The following DOK6 variants were observed in gnomAD, a reference collection of about 807,000 sequenced individuals.
DOK6 encodes the protein docking protein 6, also known as downstream of tyrosine kinase 6.
DOK6 carries 22 observed loss-of-function variants against 44.0 expected under a neutral mutation model. The ratio of observed to expected loss-of-function variants is 0.50; its 90% confidence interval spans 0.36 to 0.71. The LOEUF (loss-of-function observed/expected upper bound fraction) is 0.71. Among genes scored for constraint, DOK6 ranks in the 30% least tolerant of loss-of-function variants. DOK6 has a pLI of 0.00. For synonymous variants in DOK6, 166 were observed against 145.5 expected, an observed-to-expected ratio of 1.14 and a Z score of -1.01; for missense variants, 340 against 416.4, an observed-to-expected ratio of 0.82 and a Z score of 1.60.
At chr18:69,807,468 AG>A (rs1267883128) in intron 7 of DOK6, among the ~76,000 whole-genome samples, 1 of 151,948 alleles carries the variant, frequency 6.6e-6, no homozygotes, top group East Asian at 1.9e-4. Flanking sequence ...GAATGAAAAT[AG>A]ATTAAAATTG....
chr18:69,664,498 TTTC>T (rs533488072), intron 3 of DOK6, among the ~76,000 whole-genome samples: 11 of 152,330 alleles, frequency 7.2e-5, no homozygotes, highest in African/African-American at 2.6e-4. Context: ...GTCCTTGTGC[TTTC>T]TTCTTTTATG....
chr18:69,767,576 C>T (rs907202262), intron 7 of DOK6, among the ~76,000 whole-genome samples: 1 of 152,038 alleles, frequency 6.6e-6, no homozygotes, highest in Non-Finnish European at 1.5e-5. Context: ...TACTCATCCA[C>T]ACCCACCCTA....
intron 1 of DOK6, among the ~76,000 whole-genome samples, chr18:69,538,230 G>C (rs542143443): frequency 6.6e-6 from 1 of 152,286 alleles, no homozygotes; most frequent in South Asian, 2.1e-4. Context: ...AGAAAAATAA[G>C]TCTTAGAGCA....
At chr18:69,525,816 C>T (rs1031132684) in intron 1 of DOK6, among the ~76,000 whole-genome samples, 30 of 152,022 alleles carry the variant, frequency 2.0e-4, no homozygotes, top group African/African-American at 7.0e-4. Context: ...CTTTCACCTG[C>T]CATGAAATAT....
chr18:69,581,475 C>G (rs1330793325), intron 2 of DOK6, among the ~76,000 whole-genome samples: 1 of 152,096 alleles, frequency 6.6e-6, no homozygotes, highest in African/African-American at 2.4e-5. Flanking sequence ...CTAGTAGCTA[C>G]TATTACAATT....
chr18:69,666,402 C>G (rs1985658016), intron 3 of DOK6, among the ~76,000 whole-genome samples: 2 of 152,260 alleles, frequency 1.3e-5, no homozygotes, highest in African/African-American at 4.8e-5. Context: ...ATAGCATCAC[C>G]CTTCTCAGCT....
At chr18:69,502,332 A>G (rs1307542708) in intron 1 of DOK6, among the ~76,000 whole-genome samples, 3 of 152,082 alleles carry the variant, frequency 2.0e-5, no homozygotes, top group African/African-American at 7.2e-5. Flanking sequence ...AGGAGAGGGT[A>G]ATTCAAGAAA....
intron 3 of DOK6, among the ~76,000 whole-genome samples, chr18:69,653,738 A>G (rs1165115775): frequency 6.6e-6 from 1 of 152,228 alleles, no homozygotes; most frequent in Non-Finnish European, 1.5e-5. Flanking sequence ...AGTGAAGTGA[A>G]CTGATAAAGA....
intron 2 of DOK6, among the ~76,000 whole-genome samples, chr18:69,584,095 G>C (rs1341399243): frequency 8.6e-6 from 1 of 115,676 alleles, no homozygotes; most frequent in African/African-American, 3.3e-5. Flanking sequence ...GCAACACAGT[G>C]AGACTCCGTC....
At chr18:69,564,836 A>T (rs1360558078) in intron 2 of DOK6, among the ~76,000 whole-genome samples, 1 of 152,158 alleles carries the variant, frequency 6.6e-6, no homozygotes, top group Non-Finnish European at 1.5e-5. Context: ...ATGACTCATA[A>T]CTCAACCAAA....
intron 7 of DOK6, among the ~76,000 whole-genome samples, chr18:69,810,812 G>C (rs1447721704): frequency 6.6e-6 from 1 of 151,812 alleles, no homozygotes; most frequent in Non-Finnish European, 1.5e-5. Context: ...GTGTTAGTGA[G>C]GATATGTAGA....
intron 1 of DOK6, among the ~76,000 whole-genome samples, chr18:69,557,123 A>C (rs558182207): frequency 7.0e-4 from 107 of 152,290 alleles, no homozygotes; most frequent in Admixed American, 7.2e-4. Flanking sequence ...ACGGAACACA[A>C]ACTTAGCCAC....
At chr18:69,685,069 G>A (rs1424795383) in intron 4 of DOK6, among the ~76,000 whole-genome samples, 1 of 152,084 alleles carries the variant, frequency 6.6e-6, no homozygotes, top group East Asian at 1.9e-4. Flanking sequence ...CTCAGGGATT[G>A]AACTTTGAAT....
intron 7 of DOK6, among the ~76,000 whole-genome samples, chr18:69,779,126 C>T (rs918573858): frequency 4.6e-5 from 7 of 152,026 alleles, no homozygotes; most frequent in Admixed American, 6.6e-5. Context: ...ATATTCTGAC[C>T]TCATCTTCGT....
intron 7 of DOK6, among the ~76,000 whole-genome samples, chr18:69,768,948 G>GGTGTGTGTGTGTGT (rs1341229658): frequency 1.5e-3 from 55 of 37,704 alleles, no homozygotes; most frequent in African/African-American, 2.4e-3. Flanking sequence ...AGATTTGAAG[G>GGTGTGTGTGTGTGT]GTGTGCGTGT....
intron 2 of DOK6, among the ~76,000 whole-genome samples, chr18:69,587,038 A>G (rs1400148291): frequency 6.6e-6 from 1 of 152,210 alleles, no homozygotes; most frequent in Non-Finnish European, 1.5e-5. Context: ...ATGGGGCTAT[A>G]TAGAAAATTT....
chr18:69,605,144 A>G (rs1336465183), intron 3 of DOK6, among the ~76,000 whole-genome samples: 1 of 149,526 alleles, frequency 6.7e-6, no homozygotes, highest in East Asian at 2.0e-4. Flanking sequence ...ATCAGCTGAG[A>G]CCAAATCATT....
At chr18:69,498,609 A>G (rs1314854617) in intron 1 of DOK6, among the ~76,000 whole-genome samples, 1 of 152,228 alleles carries the variant, frequency 6.6e-6, no homozygotes, top group Non-Finnish European at 1.5e-5. Context: ...TTGATAACTT[A>G]GTGTATAAGT....
At chr18:69,802,875 A>G (rs977316049) in intron 7 of DOK6, among the ~76,000 whole-genome samples, 2 of 152,154 alleles carry the variant, frequency 1.3e-5, no homozygotes, top group East Asian at 3.9e-4. Flanking sequence ...GGTATTCTTT[A>G]TAGCAACAGA....
Sources: gnomAD v4.1 joint callset for allele counts (sites outside exome capture counted in the v4.1 genomes callset) on GRCh38, gnomAD v4.1.1 for gene constraint, MANE v1.5 for transcripts, NCBI Gene and HGNC (gene_info 2026-07-23, HGNC 2026-07-21) for gene names.